CNN1: variants seen among roughly 807,000 people sequenced by gnomAD.
CNN1 encodes calponin-1.
Under a neutral mutation model 35.3 loss-of-function variants are expected in CNN1, and 21 were observed. That is an observed-to-expected ratio of 0.60 (90% CI 0.42 to 0.86). The LOEUF is 0.86. Ranked by LOEUF, CNN1 falls within the 40% of genes least tolerant of loss-of-function variation. The probability of loss-of-function intolerance (pLI) is 0.00; values close to 1 mark genes in which losing one functional copy is unlikely to be tolerated. For missense variants in CNN1, 314 were observed against 400.8 expected, an observed-to-expected ratio of 0.78 and a Z score of 1.85; for synonymous variants, 164 against 161.8, an observed-to-expected ratio of 1.01 and a Z score of -0.10.
At chr19:11,539,840 C>T in intron 1 of CNN1, 3 of 1,178,940 alleles carry the variant, frequency 2.5e-6, no homozygotes, top group Non-Finnish European at 3.2e-6. Context: ...GGTCCTCGGG[C>T]GAGAGACAGA....
intron 1 of CNN1, chr19:11,539,194 G>C: frequency 8.1e-7 from 1 of 1,229,740 alleles, no homozygotes; most frequent in Admixed American, 3.7e-5. Context: ...GAATGGGGGG[G>C]CACACAGCCA....
Position 11,546,903 on chromosome 19 carries a change from C to T in CNN1, c.324C>T (p.Ala108=). 4 of 1,614,234 alleles carry T rather than the reference C, an allele frequency of 2.5e-6. No individual in the cohort carries two copies. The highest frequency in any genetic ancestry group is 3.4e-6 in the Non-Finnish European group (4 of 1,180,042). Residue 108 remains alanine, a synonymous_variant, in exon 4 of 7, where the codon GCC becomes GCT. Transcript: ENST00000252456. ...YGVKPHDIFE[A]NDLFENTNHT... ...TGAAGCCCCACGACATTTTTGAGGC[C>T]AACGACCTGTTTGAGAACACCAACC...
In CNN1 at chr19:11,549,239, G is replaced by C; in HGVS notation, c.502-84G>C. ...AAATTGAAAAAAATGATAAAGCGGC[G>C]CCTCATCCTCTCCCATCAGCTATGC... On this transcript the variant is annotated intron_variant, in intron 5 of 6. Transcript: ENST00000252456. The surrounding 1 kb of genome is among the most constrained non-coding windows in gnomAD (Gnocchi z 5.2). 7.2e-7 allele frequency: 1 copy of C among 1,391,482 alleles called. No individual in the cohort carries two copies. Among genetic ancestry groups the C allele is most frequent in the African/African-American group, 1.5e-5 (1 of 68,804 alleles). The allele number at this position is 1,391,482 out of a possible 1,614,324, so 86.2% of individuals were successfully genotyped here. A position where few individuals can be genotyped will look rare whatever the true frequency, so the allele number is the denominator to read the frequency against.
intron 2 of CNN1, among the ~76,000 whole-genome samples, chr19:11,542,579 C>CT (rs34020199): frequency 0.013 from 1,884 of 142,342 alleles, 30 homozygotes; most frequent in African/African-American, 0.04. Context: ...CCACTGCAAT[C>CT]TTTTTTTTTT....
At chr19:11,545,735 G>C (rs1044972629) in intron 2 of CNN1, among the ~76,000 whole-genome samples, 4 of 148,612 alleles carry the variant, frequency 2.7e-5, no homozygotes, top group African/African-American at 1.0e-4. Flanking sequence ...CAGGAGGATC[G>C]CTTGAGCCCA....
At chr19:11,547,570 G>A (rs1049628338) in intron 4 of CNN1, among the ~76,000 whole-genome samples, 2 of 152,040 alleles carry the variant, frequency 1.3e-5, no homozygotes, top group African/African-American at 2.4e-5. Context: ...AAAATTAGCC[G>A]GGCATGGTGG....
chr19:11,540,692 C>G (rs1335973177), intron 1 of CNN1: 2 of 172,596 alleles, frequency 1.2e-5, no homozygotes, highest in African/African-American at 4.8e-5. Flanking sequence ...CTGAGGTGCC[C>G]TCTCTTCCAA....
rs536998930 is a variant in CNN1 at position 11,539,122 on chromosome 19, T to A, written c.63+132T>A. 4.3e-3 allele frequency: 4,580 copies of A among 1,075,286 alleles called. 17 individuals are homozygous for A. Among genetic ancestry groups the A allele is most frequent in the Non-Finnish European group, 5.4e-3 (4,284 of 791,612 alleles). 66.6% of individuals were successfully genotyped at this position (1,075,286 alleles called of 1,614,324 possible). ...ACTGAGAGGGGAAAAGGGAGTGATA[T>A]GGGATAGGGGCTGCCTGTCTCCCCC... On this transcript the variant is annotated intron_variant, in intron 1 of 6. Coordinates refer to ENST00000252456, the MANE Select transcript of CNN1 (RefSeq NM_001299.6).
intron 2 of CNN1, 100 bp from the exon 3 acceptor site, chr19:11,546,575 C>T (rs1972589119): frequency 4.1e-6 from 5 of 1,216,322 alleles, no homozygotes; most frequent in Non-Finnish European, 6.0e-6. Flanking sequence ...ACCTCGTGAT[C>T]CACCCGCCTT....
chr19:11,547,004 G>C (rs774973912), intron 4 of CNN1, 35 bp downstream of exon 4: 8 of 1,610,102 alleles, frequency 5.0e-6, no homozygotes, highest in Non-Finnish European at 6.8e-6. Context: ...GGGGGTGGTG[G>C]GCAGCCTGGG....
rs960533604 is a variant in CNN1, at chr19:11,546,821, C to T, written c.253-11C>T. On this transcript the variant is annotated splice_polypyrimidine_tract_variant and intron_variant, in intron 3 of 6. Transcript: ENST00000252456. ...CTCCCCACCCAGTGACCACCACCTG[C>T]CCCCCTCTAGCTGGAGAACATCGGC... 2 of 1,614,062 alleles carry T rather than the reference C, an allele frequency of 1.2e-6. No homozygotes were observed. The highest frequency in any genetic ancestry group is 2.2e-5 in the East Asian group (1 of 44,894).
rs1972593774 is a variant in CNN1, at chr19:11,546,716, A to G, written c.227A>G (p.Asn76Ser). 1.9e-6 allele frequency: 3 copies of G among 1,614,166 alleles called. No homozygotes were observed. Among genetic ancestry groups the G allele is most frequent in the South Asian group, 2.2e-5 (2 of 91,086 alleles). The change falls in exon 3 of 7, where the codon AAT becomes AGT. Residue 76 changes from asparagine (N) to serine (S), a missense_variant. Coordinates refer to ENST00000252456, the MANE Select transcript of CNN1 (RefSeq NM_001299.6). ...CAGCCAGGCTCCGTGAAGAAGATCA[A>G]TGAGTCAACCCAAAATTGGCACCAG... is the stretch of plus-strand genomic sequence containing the variant. ...KLQPGSVKKINESTQNWHQLE... is the reference protein window; with the variant it reads ...KLQPGSVKKISESTQNWHQLE...
rs1384941217 is a variant in CNN1, at chr19:11,549,572, C to G, written c.671C>G (p.Thr224Ser). ...ASQAGMTAPGTKRQIFEPGLG... is the reference protein window; with the variant it reads ...ASQAGMTAPGSKRQIFEPGLG... ...CAGGCTGGCATGACTGCGCCAGGGA[C>G]CAAGCGGCAGATCTTCGAGCCGGGG... The change falls in exon 7 of 7, where the codon ACC (threonine) becomes AGC (serine). Residue 224 changes from threonine (T) to serine (S), a missense_variant. Thr to Ser is a moderately conservative substitution (Grantham distance 58, BLOSUM62 1). Coordinates refer to ENST00000252456, the MANE Select transcript of CNN1 (RefSeq NM_001299.6). This position sits in a 1 kb window ranked among gnomAD's most constrained non-coding sequence, Gnocchi z 5.2. The G allele has an allele frequency of 3.1e-6, 5 of 1,599,986 alleles. No individual in the cohort carries two copies. Among genetic ancestry groups the G allele is most frequent in the Non-Finnish European group, 3.4e-6 (4 of 1,169,820 alleles).
chr19:11,544,680 T>G (rs1371640424), intron 2 of CNN1, among the ~76,000 whole-genome samples: 2 of 149,432 alleles, frequency 1.3e-5, no homozygotes, highest in Non-Finnish European at 3.0e-5. Context: ...TTTTTTTTTT[T>G]TTGTAGAGAC....
At position 11,549,540 on chromosome 19, in the gene CNN1, C is replaced by A; in HGVS notation, c.649-10C>A. ...GCCACCCCACGGCCTGACCACACCACCCTTCGCAGGCTGGCATGACTGCGC... is the reference window on the plus strand; with the variant it reads ...GCCACCCCACGGCCTGACCACACCAACCTTCGCAGGCTGGCATGACTGCGC... On this transcript the variant is annotated splice_polypyrimidine_tract_variant and intron_variant, in intron 6 of 6. Coordinates refer to ENST00000252456, the MANE Select transcript of CNN1 (RefSeq NM_001299.6). The surrounding 1 kb of genome is among the most constrained non-coding windows in gnomAD (Gnocchi z 5.2). 2 of 1,598,674 alleles carry A rather than the reference C, an allele frequency of 1.3e-6. No homozygotes were observed. Among genetic ancestry groups the A allele is most frequent in the Non-Finnish European group, 1.7e-6 (2 of 1,168,890 alleles).
chr19:11,539,966 C>G (rs1033721642), intron 1 of CNN1: 3 of 1,067,538 alleles, frequency 2.8e-6, no homozygotes, highest in East Asian at 1.1e-4. Context: ...ATATAAGGGC[C>G]GGTTTGCTTT....
chr19:11,546,811 C>T, intron 3 of CNN1, 21 bp from the exon 4 acceptor site: 1 of 1,614,168 alleles, frequency 6.2e-7, no homozygotes, highest in Non-Finnish European at 8.5e-7. Context: ...CACCCAGTGA[C>T]CACCACCTGC....
At chr19:11,542,724 C>T (rs1299641762) in intron 2 of CNN1, among the ~76,000 whole-genome samples, 3 of 152,002 alleles carry the variant, frequency 2.0e-5, no homozygotes, top group South Asian at 4.2e-4. Flanking sequence ...TACAGGTGCC[C>T]GCCACCACGC....
At chr19:11,543,932 A>G (rs1240194725) in intron 2 of CNN1, among the ~76,000 whole-genome samples, 2 of 151,822 alleles carry the variant, frequency 1.3e-5, no homozygotes, top group Admixed American at 6.6e-5. Flanking sequence ...AAAAGAGTGT[A>G]GTGCAGTCAC....
Sources: allele counts gnomAD v4.1 joint callset (sites outside exome capture counted in the v4.1 genomes callset), GRCh38; gene constraint gnomAD v4.1.1; non-coding constraint Gnocchi (gnomAD v3.1); transcripts MANE v1.5; gene names NCBI Gene and HGNC (gene_info 2026-07-23, HGNC 2026-07-21).